FAM117A: variants seen among roughly 807,000 people sequenced by gnomAD.
FAM117A encodes the protein protein FAM117A.
In FAM117A, 21 loss-of-function variants were observed where a neutral mutation model predicts 44.1. The observed-to-expected ratio is 0.48, with a 90% confidence interval of 0.34 to 0.69. The LOEUF (loss-of-function observed/expected upper bound fraction) is 0.69, where lower values mean the gene tolerates loss of function less well. Among genes scored for constraint, FAM117A ranks in the 30% least tolerant of loss-of-function variants. The pLI is 0.01. For missense variants in FAM117A, 498 were observed against 589.9 expected, an observed-to-expected ratio of 0.84 and a Z score of 1.61; for synonymous variants, 220 against 238.3, an observed-to-expected ratio of 0.92 and a Z score of 0.71.
At chr17:49,777,996 C>T (rs555020021) in intron 1 of FAM117A, among the ~76,000 whole-genome samples, 3 of 152,138 alleles carry the variant, frequency 2.0e-5, no homozygotes, top group Non-Finnish European at 2.9e-5. Flanking sequence ...TCCTTCCTGG[C>T]GGGAAGAAGA....
intron 1 of FAM117A, among the ~76,000 whole-genome samples, chr17:49,751,466 G>A (rs894744194): frequency 6.6e-6 from 1 of 152,044 alleles, no homozygotes; most frequent in Non-Finnish European, 1.5e-5. Context: ...TGTGGTCCCA[G>A]CTACTCGGGA....
At chr17:49,744,614 C>T (rs2143758476) in intron 1 of FAM117A, among the ~76,000 whole-genome samples, 1 of 152,078 alleles carries the variant, frequency 6.6e-6, no homozygotes, top group South Asian at 2.1e-4. Context: ...GTCACCTTGC[C>T]TGGCCTCCCT....
intron 1 of FAM117A, among the ~76,000 whole-genome samples, chr17:49,747,704 G>C (rs2073659382): frequency 6.6e-6 from 1 of 152,108 alleles, no homozygotes; most frequent in African/African-American, 2.4e-5. Flanking sequence ...ATACCTTAGA[G>C]ACCACAACAT....
At chr17:49,771,060 T>C (rs1238547099) in intron 1 of FAM117A, among the ~76,000 whole-genome samples, 1 of 151,570 alleles carries the variant, frequency 6.6e-6, no homozygotes, top group Non-Finnish European at 1.5e-5. Context: ...ATACAAAAAT[T>C]AGCTGGGTGT....
intron 1 of FAM117A, among the ~76,000 whole-genome samples, chr17:49,741,881 G>C (rs958061272): frequency 7.2e-5 from 11 of 152,066 alleles, no homozygotes; most frequent in Non-Finnish European, 1.3e-4. Flanking sequence ...GGGTTTTGTG[G>C]GGAAGTTGTG....
At chr17:49,732,319 C>T (rs2073588854) in intron 2 of FAM117A, 1 of 356,434 alleles carries the variant, frequency 2.8e-6, no homozygotes, top group Admixed American at 3.8e-5. Flanking sequence ...GCACGAGAAT[C>T]ACTTGAACCC....
intron 1 of FAM117A, among the ~76,000 whole-genome samples, chr17:49,783,350 G>A (rs764190935): frequency 1.4e-4 from 22 of 152,210 alleles, no homozygotes; most frequent in Admixed American, 7.2e-4. Context: ...TGGAGGAAGG[G>A]GGGGAGATGA....
chr17:49,749,035 G>T (rs2073664866), intron 1 of FAM117A, among the ~76,000 whole-genome samples: 1 of 152,180 alleles, frequency 6.6e-6, no homozygotes, highest in African/African-American at 2.4e-5. Flanking sequence ...CTTTGTGCAT[G>T]AAGTTGTAAC....
chr17:49,724,456 T>C (rs1003654937), intron 2 of FAM117A: 8 of 456,018 alleles, frequency 1.8e-5, no homozygotes, highest in Admixed American at 7.1e-5. Context: ...ACTACTAATA[T>C]CTCTTGCAAA....
intron 7 of FAM117A, 24 bp from the exon 8 acceptor site, chr17:49,711,579 A>G: frequency 6.2e-7 from 1 of 1,608,310 alleles, no homozygotes; most frequent in Non-Finnish European, 8.5e-7. Context: ...AGAGACACAC[A>G]AGACACATAC....
chr17:49,775,493 A>G (rs2073773275), intron 1 of FAM117A, among the ~76,000 whole-genome samples: 1 of 151,280 alleles, frequency 6.6e-6, no homozygotes, highest in Admixed American at 6.6e-5. Context: ...GCTGACTGAC[A>G]CTCCTCCCAC....
chr17:49,758,643 AAATAAAT>A (rs1245451942), intron 1 of FAM117A, among the ~76,000 whole-genome samples: 469 of 42,218 alleles, frequency 0.011, 2 homozygotes, highest in Non-Finnish European at 0.02. Context: ...AAAATAAAAT[AAATAAAT>A]AAATAAATAA....
intron 1 of FAM117A, among the ~76,000 whole-genome samples, chr17:49,737,448 C>T (rs1175135669): frequency 2.0e-5 from 3 of 152,072 alleles, no homozygotes; most frequent in African/African-American, 7.2e-5. Flanking sequence ...GGGCCACGGA[C>T]GAGCAAGTGA....
chr17:49,774,479 C>T (rs146774621), intron 1 of FAM117A, among the ~76,000 whole-genome samples: 4 of 152,138 alleles, frequency 2.6e-5, no homozygotes, highest in African/African-American at 9.6e-5. Context: ...CCTGTCTCAG[C>T]CTCCCGAGTA....
chr17:49,712,838 G>A (rs2073484834), intron 7 of FAM117A, among the ~76,000 whole-genome samples: 2 of 152,060 alleles, frequency 1.3e-5, no homozygotes, highest in Admixed American at 1.3e-4. Flanking sequence ...TCACCATGTG[G>A]TCCTTGTCAT....
intron 1 of FAM117A, among the ~76,000 whole-genome samples, chr17:49,783,351 G>C (rs1405903064): frequency 6.6e-6 from 1 of 152,202 alleles, no homozygotes; most frequent in Non-Finnish European, 1.5e-5. Flanking sequence ...GGAGGAAGGG[G>C]GGGAGATGAA....
intron 5 of FAM117A, 170 bp downstream of exon 5, chr17:49,719,590 T>G: frequency 2.5e-5 from 20 of 815,478 alleles, no homozygotes; most frequent in Non-Finnish European, 3.5e-5. Flanking sequence ...GTTAAGGCCA[T>G]TTGAGACTAA....
At chr17:49,739,890 A>C (rs1247443149) in intron 1 of FAM117A, among the ~76,000 whole-genome samples, 1 of 152,224 alleles carries the variant, frequency 6.6e-6, no homozygotes, top group African/African-American at 2.4e-5. Flanking sequence ...TCCACAGCCC[A>C]ACCACCTGGT....
intron 1 of FAM117A, among the ~76,000 whole-genome samples, chr17:49,769,707 A>AAAAT (rs539399967): frequency 0.034 from 5,114 of 151,920 alleles, 107 homozygotes; most frequent in Non-Finnish European, 0.049. Context: ...TCCGTCTCAA[A>AAAAT]AAATAAATAA....
Sources: allele counts gnomAD v4.1 joint callset (sites outside exome capture counted in the v4.1 genomes callset), GRCh38; gene constraint gnomAD v4.1.1; transcripts MANE v1.5; gene names NCBI Gene and HGNC (gene_info 2026-07-23, HGNC 2026-07-21).